Variants in CAMK1D observed in about 807,000 individuals in gnomAD.
CAMK1D encodes the protein calcium/calmodulin dependent protein kinase ID.
A neutral mutation model predicts 47.7 loss-of-function variants in CAMK1D; 9 were observed. The observed-to-expected ratio is 0.19, with a 90% CI of 0.11 to 0.33. CAMK1D has a LOEUF of 0.33. CAMK1D is among the 10% of genes least tolerant of loss of function. The probability of loss-of-function intolerance (pLI) is 1.00; values close to 1 mark genes in which losing one functional copy is unlikely to be tolerated. For missense variants in CAMK1D, 291 were observed against 488.7 expected, an observed-to-expected ratio of 0.60 and a Z score of 3.81; for synonymous variants, 184 against 184.9, an observed-to-expected ratio of 0.99 and a Z score of 0.04.
intron 1 of CAMK1D, among the ~76,000 whole-genome samples, chr10:12,512,459 A>G (rs1034153037): frequency 2.6e-5 from 4 of 152,162 alleles, no homozygotes; most frequent in Non-Finnish European, 5.9e-5. Flanking sequence ...GCAGTGATGC[A>G]ATCTCGGCTC....
intron 5 of CAMK1D, among the ~76,000 whole-genome samples, chr10:12,787,227 C>T (rs1319208097): frequency 1.3e-5 from 2 of 152,184 alleles, no homozygotes; most frequent in Non-Finnish European, 2.9e-5. Context: ...CTGTACATGC[C>T]TTGCACCACG....
chr10:12,641,551 C>G (rs368833532), intron 2 of CAMK1D, among the ~76,000 whole-genome samples: 1 of 150,426 alleles, frequency 6.6e-6, no homozygotes, highest in South Asian at 2.1e-4. Flanking sequence ...CTGGGGAGGT[C>G]GAGGCTGCAG....
intron 10 of CAMK1D, among the ~76,000 whole-genome samples, chr10:12,827,462 TTGTCTGTCTG>T (rs1833278436): frequency 4.9e-4 from 6 of 12,144 alleles, no homozygotes; most frequent in Non-Finnish European, 1.2e-3. Flanking sequence ...TTTTCTTTCT[TTGTCTGTCTG>T]TCTTTCTTTC....
At chr10:12,453,541 TATTTCGCTTACCC>T (rs1375716052) in intron 1 of CAMK1D, among the ~76,000 whole-genome samples, 5 of 152,202 alleles carry the variant, frequency 3.3e-5, no homozygotes, top group Non-Finnish European at 2.9e-5. Flanking sequence ...GGCTAGATCA[TATTTCGCTTACCC>T]ATTCATCTGT....
chr10:12,757,920 C>A (rs1040285574), intron 3 of CAMK1D, among the ~76,000 whole-genome samples: 1 of 139,718 alleles, frequency 7.2e-6, no homozygotes, highest in Non-Finnish European at 1.5e-5. Context: ...GGCATGATCT[C>A]GGCTCACCGC....
intron 1 of CAMK1D, among the ~76,000 whole-genome samples, chr10:12,466,170 G>C (rs538524532): frequency 6.6e-6 from 1 of 152,174 alleles, no homozygotes; most frequent in East Asian, 1.9e-4. Flanking sequence ...ATTTTAGGGA[G>C]ACCAAGGCGG....
chr10:12,821,285 C>T (rs1311523754), intron 8 of CAMK1D, among the ~76,000 whole-genome samples: 1 of 152,208 alleles, frequency 6.6e-6, no homozygotes, highest in Non-Finnish European at 1.5e-5. Flanking sequence ...CTAAAAAATA[C>T]TTTCCCAGCA....
At chr10:12,492,179 T>C (rs1383122086) in intron 1 of CAMK1D, among the ~76,000 whole-genome samples, 1 of 152,140 alleles carries the variant, frequency 6.6e-6, no homozygotes, top group Non-Finnish European at 1.5e-5. Flanking sequence ...ACTGTGGCTG[T>C]TGCGGCTGCA....
intron 2 of CAMK1D, among the ~76,000 whole-genome samples, chr10:12,651,841 C>G (rs905710302): frequency 6.6e-6 from 1 of 151,908 alleles, no homozygotes; most frequent in South Asian, 2.1e-4. Context: ...TGCAGTGGCG[C>G]GATCTCGGCT....
intron 1 of CAMK1D, among the ~76,000 whole-genome samples, chr10:12,380,294 A>G (rs1025996200): frequency 6.6e-6 from 1 of 152,188 alleles, no homozygotes; most frequent in Non-Finnish European, 1.5e-5. Context: ...TAGCAGAGCA[A>G]TTATTATGAT....
rs113251471 is a variant in CAMK1D, at chr10:12,772,256, G to A, written c.565+2457G>A. 3.9e-5 allele frequency among the ~76,000 whole-genome samples: 6 copies of A among 152,248 alleles called. No homozygotes were observed. In the East Asian group the frequency reaches 9.7e-4, roughly 24 times the overall value. Reference sequence around the variant, plus strand: ...CAGGGAAGCCGTGAATACATGAGACGAGACAAGCTGAGTGGGGAGAGCCTG... The same window carrying A: ...CAGGGAAGCCGTGAATACATGAGACAAGACAAGCTGAGTGGGGAGAGCCTG... On this transcript the variant is annotated intron_variant, in intron 5 of 10. Coordinates refer to ENST00000619168, the MANE Select transcript of CAMK1D (RefSeq NM_153498.4).
chr10:12,463,519 G>T (rs2132058957), intron 1 of CAMK1D, among the ~76,000 whole-genome samples: 1 of 152,260 alleles, frequency 6.6e-6, no homozygotes, highest in Middle Eastern at 3.4e-3. Flanking sequence ...AGTAAATTTG[G>T]TGGTTTGTTT....
chr10:12,500,040 C>T (rs1834653411), intron 1 of CAMK1D, among the ~76,000 whole-genome samples: 1 of 152,062 alleles, frequency 6.6e-6, no homozygotes, highest in Non-Finnish European at 1.5e-5. Flanking sequence ...CCGAGGTGGG[C>T]AGATCACTTG....
chr10:12,746,877 G>A (rs1278123004), intron 3 of CAMK1D, among the ~76,000 whole-genome samples: 3 of 152,144 alleles, frequency 2.0e-5, no homozygotes, highest in African/African-American at 7.2e-5. Context: ...TTATCCTTCT[G>A]ATACTACAAT....
intron 2 of CAMK1D, among the ~76,000 whole-genome samples, chr10:12,595,780 A>G (rs1041925497): frequency 2.0e-5 from 3 of 152,200 alleles, no homozygotes; most frequent in African/African-American, 4.8e-5. Flanking sequence ...AGGTCAATAA[A>G]GAGACCACAG....
chr10:12,394,556 C>A (rs1838867516), intron 1 of CAMK1D, among the ~76,000 whole-genome samples: 1 of 152,098 alleles, frequency 6.6e-6, no homozygotes, highest in African/African-American at 2.4e-5. Flanking sequence ...CCTTTCACCC[C>A]ATCACTCCAA....
At chr10:12,403,856 C>T (rs1839317884) in intron 1 of CAMK1D, among the ~76,000 whole-genome samples, 1 of 151,754 alleles carries the variant, frequency 6.6e-6, no homozygotes, top group Non-Finnish European at 1.5e-5. Context: ...TTGTTTTGGC[C>T]CTGATGTTAC....
chr10:12,357,834 T>G (rs1203785275), intron 1 of CAMK1D, among the ~76,000 whole-genome samples: 1 of 152,178 alleles, frequency 6.6e-6, no homozygotes, highest in Non-Finnish European at 1.5e-5. Context: ...GATTTCTTTT[T>G]CTCCGGGGTA....
chr10:12,824,060 T>C lies in CAMK1D; in HGVS notation c.834-405T>C, dbSNP rs994495842. Among the ~76,000 whole-genome samples the C allele has an allele frequency of 7.9e-5, 12 of 151,442 alleles. No homozygotes were observed. In the South Asian group the frequency reaches 1.0e-3, roughly 13 times the overall value. ...CAGTTGGGGAACAAGTGTGAGACCT[T>C]GGAGGTGGCGCATGGTGGCTCAAAA... On this transcript the variant is annotated intron_variant, in intron 8 of 10. Transcript: ENST00000619168.
Sources: allele counts gnomAD v4.1 joint callset (sites outside exome capture counted in the v4.1 genomes callset), GRCh38; gene constraint gnomAD v4.1.1; transcripts MANE v1.5; gene names NCBI Gene and HGNC (gene_info 2026-07-23, HGNC 2026-07-21).